PHIP: variants seen among roughly 807,000 people sequenced by gnomAD.
The protein encoded by PHIP is PHIP subunit of CUL4-Ring ligase complex, also known as PH-interacting protein.
A neutral mutation model predicts 236.8 loss-of-function variants in PHIP; 54 were observed. The ratio of observed to expected loss-of-function variants is 0.23; its 90% CI spans 0.18 to 0.29. PHIP has a LOEUF of 0.29. PHIP is among the 10% of genes least tolerant of loss of function. The probability of loss-of-function intolerance (pLI) is 1.00; values close to 1 mark genes in which losing one functional copy is unlikely to be tolerated. For missense variants in PHIP, 1,370 were observed against 2,190.8 expected, an observed-to-expected ratio of 0.63 and a Z score of 7.48; for synonymous variants, 756 against 718.9, an observed-to-expected ratio of 1.05 and a Z score of -0.83.
chr6:79,039,514 A>G (rs1772106466), intron 7 of PHIP, among the ~76,000 whole-genome samples: 1 of 152,080 alleles, frequency 6.6e-6, no homozygotes, highest in Admixed American at 6.6e-5. Context: ...CATTATATCA[A>G]TATTGTTTGT....
chr6:78,975,293 T>C (rs1266301976), intron 24 of PHIP, among the ~76,000 whole-genome samples: 1 of 152,196 alleles, frequency 6.6e-6, no homozygotes, highest in Non-Finnish European at 1.5e-5. Flanking sequence ...TCTCAATAGA[T>C]GCAGAAAAGG....
At chr6:78,984,050 C>T (rs1241412989) in intron 22 of PHIP, among the ~76,000 whole-genome samples, 1 of 152,014 alleles carries the variant, frequency 6.6e-6, no homozygotes, top group African/African-American at 2.4e-5. Context: ...TGATATATGA[C>T]CTCATGCCTC....
rs559992977 is a variant in PHIP, at chr6:78,963,035, G to A, written c.3535+62C>T. ...AAAAAATTTTTGTTGGAGAATAACA[G>A]TATTTTTCCATTACTTTGTGTTCTG... On this transcript the variant is annotated intron_variant, in intron 30 of 39. Coordinates refer to ENST00000275034, the MANE Select transcript of PHIP (RefSeq NM_017934.7). The A allele has an allele frequency of 1.7e-4, 240 of 1,449,254 alleles. 2 individuals carry two copies. The African/African-American group carries it at 3.2e-3, about 19-fold the overall frequency. 89.8% of individuals were successfully genotyped at this position (1,449,254 alleles called of 1,614,324 possible).
At chr6:79,016,097 T>A (rs575516270) in intron 13 of PHIP, among the ~76,000 whole-genome samples, 11 of 152,034 alleles carry the variant, frequency 7.2e-5, no homozygotes, top group African/African-American at 2.4e-4. Flanking sequence ...GTTGCTGTCA[T>A]CCCCTGCTGA....
chr6:79,060,606 A>T, intron 5 of PHIP, 30 bp from the exon 6 acceptor site: 1 of 1,608,738 alleles, frequency 6.2e-7, no homozygotes, highest in Non-Finnish European at 8.5e-7. Flanking sequence ...TTATGCATAC[A>T]AAGAACACAA....
intron 39 of PHIP, among the ~76,000 whole-genome samples, chr6:78,942,367 C>T (rs1012412798): frequency 6.6e-6 from 1 of 152,142 alleles, no homozygotes; most frequent in Non-Finnish European, 1.5e-5. Flanking sequence ...CCTGTAATCC[C>T]AGCTACTCAG....
intron 17 of PHIP, among the ~76,000 whole-genome samples, chr6:79,001,684 A>G (rs1345263094): frequency 6.6e-6 from 1 of 152,128 alleles, no homozygotes; most frequent in Non-Finnish European, 1.5e-5. Flanking sequence ...TAGGGGTTAC[A>G]AATGGATAAT....
Position 78,947,689 on chromosome 6 carries a change from C to T in PHIP, c.4140G>A (p.Glu1380=), listed in dbSNP as rs758096217. ...AAATAAGTCTGACATCTTTACATAA[C>T]TCCATTGGTGACTCATAATTCCCAG... ...LEAGNYESPM[E]LCKDVRLIFS... Residue 1380 remains glutamate (E), a synonymous_variant, in exon 36 of 40, where the codon GAG becomes GAA. Coordinates refer to ENST00000275034, the MANE Select transcript of PHIP (RefSeq NM_017934.7). 11 of 1,547,782 alleles carry T rather than the reference C, an allele frequency of 7.1e-6. No homozygotes were observed. Among genetic ancestry groups the T allele is most frequent in the East Asian group, 2.3e-5 (1 of 44,360 alleles).
At chr6:78,973,411 C>T (rs889156512) in intron 24 of PHIP, among the ~76,000 whole-genome samples, 23 of 149,040 alleles carry the variant, frequency 1.5e-4, no homozygotes, top group East Asian at 7.8e-4. Context: ...CGGTACCAGC[C>T]GCTGCAAAAT....
At chr6:79,076,893 G>T (rs887841949) in intron 4 of PHIP, among the ~76,000 whole-genome samples, 9 of 151,788 alleles carry the variant, frequency 5.9e-5, no homozygotes, top group African/African-American at 2.2e-4. Context: ...ACCCAGGACT[G>T]AATTTAAGGA....
chr6:78,954,615 G>A (rs1766291533), intron 35 of PHIP, among the ~76,000 whole-genome samples, 199 bp downstream of exon 35: 1 of 152,096 alleles, frequency 6.6e-6, no homozygotes, highest in Non-Finnish European at 1.5e-5. Flanking sequence ...TTCTTACAGT[G>A]TCTTCATTCA....
intron 9 of PHIP, among the ~76,000 whole-genome samples, chr6:79,021,251 A>T (rs1399509914): frequency 6.6e-6 from 1 of 152,180 alleles, no homozygotes. Context: ...GGTTCAAGTG[A>T]TTCTCATGCC....
At chr6:78,994,452 C>T (rs998722924) in intron 19 of PHIP, among the ~76,000 whole-genome samples, 12 of 152,168 alleles carry the variant, frequency 7.9e-5, no homozygotes, top group African/African-American at 2.7e-4. Flanking sequence ...TGGCATGCGC[C>T]TGTAGTCCCA....
In PHIP at chr6:78,945,500, A is replaced by G. The variant is rs1228640378; in HGVS notation, c.4631-3T>C. The G allele has an allele frequency of 1.9e-6, 3 of 1,549,616 alleles. No homozygotes were observed. Among genetic ancestry groups the G allele is most frequent in the African/African-American group, 2.7e-5 (2 of 73,114 alleles). On this transcript the variant is annotated splice_region_variant and splice_polypyrimidine_tract_variant and intron_variant, in intron 38 of 39. Coordinates refer to ENST00000275034, the MANE Select transcript of PHIP (RefSeq NM_017934.7). ...ATGTTTCACAGAATTCTCTAGTACT[A>G]AAACATACAAACAAAATTTAAAAAT...
At position 79,026,017 on chromosome 6, in the gene PHIP, G is replaced by T. The variant is rs1034722602; in HGVS notation, c.748C>A (p.Arg250=). The change falls in exon 8 of 40, where the codon CGA becomes AGA. Residue 250 remains arginine (R), a synonymous_variant. Transcript: ENST00000275034. The part of the protein sequence containing the change: ...IAAGSCDKMI[R]VWCLRTCAPL... ...GCACAGGTTCGAAGACACCAGACTC[G>T]GATCATTTTATCACAACTTCCAGCT... is the stretch of plus-strand genomic sequence containing the variant. 6.2e-6 allele frequency: 10 copies of T among 1,613,896 alleles called. No individual in the cohort carries two copies. The highest frequency in any genetic ancestry group is 5.0e-5 in the Admixed American group (3 of 60,002).
chr6:78,978,624 T>C lies in PHIP; in HGVS notation c.2857A>G (p.Arg953Gly). The C allele has an allele frequency of 6.3e-7, 1 of 1,592,930 alleles. No homozygotes were observed. The highest frequency in any genetic ancestry group is 8.6e-7 in the Non-Finnish European group (1 of 1,165,404). ...CCCATCTGTGGCACAAATGGACATC[T>C]TCGGGGAATGGTATCTGTAATCCAT... ...STWITDTIPR[R>G]CPFVPQMGDE... is the part of the protein sequence containing the mutation. The change falls in exon 24 of 40, where the codon AGA (arginine) becomes GGA (glycine). Residue 953 changes from arginine to glycine, a missense_variant. Physicochemically the swap from Arg to Gly is moderately radical, Grantham distance 125. Coordinates refer to ENST00000275034, the MANE Select transcript of PHIP (RefSeq NM_017934.7).
intron 24 of PHIP, among the ~76,000 whole-genome samples, chr6:78,977,705 T>C (rs77053030): frequency 0.012 from 1,776 of 152,246 alleles, 45 homozygotes; most frequent in African/African-American, 0.041. Context: ...TAATTTCACA[T>C]CTTAATGCTA....
At chr6:79,057,141 A>C (rs1773115929) in intron 6 of PHIP, among the ~76,000 whole-genome samples, 1 of 152,170 alleles carries the variant, frequency 6.6e-6, no homozygotes, top group Non-Finnish European at 1.5e-5. Context: ...TGAGATATTC[A>C]AGAGGTCCAA....
chr6:79,076,333 A>G (rs529712626), intron 4 of PHIP, among the ~76,000 whole-genome samples: 51 of 152,366 alleles, frequency 3.3e-4, no homozygotes, highest in African/African-American at 1.2e-3. Flanking sequence ...ATTAGTAATC[A>G]TAACTATCTC....
Sources: allele counts gnomAD v4.1 joint callset (sites outside exome capture counted in the v4.1 genomes callset), GRCh38; gene constraint gnomAD v4.1.1; transcripts MANE v1.5; gene names NCBI Gene and HGNC (gene_info 2026-07-23, HGNC 2026-07-21).